Variants in TM9SF3 observed in about 807,000 individuals in gnomAD.
TM9SF3 encodes the protein SM-11044-binding protein.
A neutral mutation model predicts 78.6 loss-of-function variants in TM9SF3; 14 were observed. The ratio of observed to expected loss-of-function variants is 0.18; its 90% CI spans 0.12 to 0.28. The LOEUF (loss-of-function observed/expected upper bound fraction) is 0.28. Ranked by LOEUF, TM9SF3 falls within the 10% of genes least tolerant of loss-of-function variation. The pLI is 1.00. For missense variants in TM9SF3, 496 were observed against 721.9 expected, an observed-to-expected ratio of 0.69 and a Z score of 3.59; for synonymous variants, 231 against 241.7, an observed-to-expected ratio of 0.96 and a Z score of 0.41.
At chr10:96,552,710 G>C (rs1308451063) in intron 6 of TM9SF3, among the ~76,000 whole-genome samples, 1 of 152,116 alleles carries the variant, frequency 6.6e-6, no homozygotes, top group African/African-American at 2.4e-5. Context: ...CACTTCGGGT[G>C]AATGTTCTTA....
At chr10:96,555,968 GAC>G (rs1159528275) in intron 5 of TM9SF3, among the ~76,000 whole-genome samples, 1 of 151,912 alleles carries the variant, frequency 6.6e-6, no homozygotes, top group Non-Finnish European at 1.5e-5. Context: ...ATACTAATTA[GAC>G]ACACATAAAA....
At chr10:96,578,640 T>C (rs977035385) in intron 1 of TM9SF3, among the ~76,000 whole-genome samples, 10 of 152,188 alleles carry the variant, frequency 6.6e-5, no homozygotes, top group African/African-American at 2.4e-4. Context: ...ATGCCCCCAC[T>C]CTTCCATCCA....
At chr10:96,584,986 T>C (rs892993837) in intron 1 of TM9SF3, among the ~76,000 whole-genome samples, 3 of 152,184 alleles carry the variant, frequency 2.0e-5, no homozygotes, top group African/African-American at 4.8e-5. Context: ...TTATATGCAA[T>C]TACTAGAATA....
chr10:96,528,924 A>AT (rs1348804118), intron 11 of TM9SF3, among the ~76,000 whole-genome samples: 1 of 152,186 alleles, frequency 6.6e-6, no homozygotes, highest in Admixed American at 6.5e-5. Context: ...AAGAAATGAC[A>AT]TGACACCTTA....
intron 11 of TM9SF3, among the ~76,000 whole-genome samples, chr10:96,530,195 A>G (rs549654648): frequency 6.6e-6 from 1 of 152,310 alleles, no homozygotes; most frequent in African/African-American, 2.4e-5. Context: ...CTAGTTCCCT[A>G]GATCCTCAGA....
chr10:96,533,038 G>C lies in TM9SF3; in HGVS notation c.1325+13C>G. 6.2e-7 allele frequency: 1 copy of C among 1,613,274 alleles called. No homozygotes were observed. Among genetic ancestry groups the C allele is most frequent in the Non-Finnish European group, 8.5e-7 (1 of 1,179,672 alleles). On this transcript the variant is annotated intron_variant, in intron 10 of 14. Transcript: ENST00000371142. Reference sequence around the variant, plus strand: ...GTGTGAAACAATCGCATAAGATTTAGCATTCTCTTTACCATTTTTTCTCCG... The same window carrying C: ...GTGTGAAACAATCGCATAAGATTTACCATTCTCTTTACCATTTTTTCTCCG...
chr10:96,586,510 G>A (rs1418362512), intron 1 of TM9SF3, among the ~76,000 whole-genome samples: 5 of 152,118 alleles, frequency 3.3e-5, no homozygotes, highest in Admixed American at 1.3e-4. Flanking sequence ...CAGACCGGGG[G>A]AAGGAGACCC....
chr10:96,543,683 G>A (rs1415763999), intron 9 of TM9SF3: 1 of 152,882 alleles, frequency 6.5e-6, no homozygotes, highest in Non-Finnish European at 1.5e-5. Flanking sequence ...ACAAAAAAAT[G>A]TGTCATGGAA....
At chr10:96,581,718 C>G (rs1848571741) in intron 1 of TM9SF3, among the ~76,000 whole-genome samples, 1 of 152,256 alleles carries the variant, frequency 6.6e-6, no homozygotes, top group East Asian at 1.9e-4. Flanking sequence ...TCCTATACTC[C>G]CAACAGAGAC....
chr10:96,582,005 G>A (rs1848575046), intron 1 of TM9SF3, among the ~76,000 whole-genome samples: 1 of 152,046 alleles, frequency 6.6e-6, no homozygotes, highest in African/African-American at 2.4e-5. Context: ...CTTCCACACT[G>A]CATATCCTTG....
intron 2 of TM9SF3, among the ~76,000 whole-genome samples, chr10:96,569,572 T>G (rs1009741650): frequency 5.9e-5 from 9 of 152,218 alleles, no homozygotes; most frequent in African/African-American, 2.2e-4. Flanking sequence ...TGGCAACATG[T>G]GTCAACAACT....
At chr10:96,527,120 A>ATTGGAAATT (rs1847847166) in intron 14 of TM9SF3, 93 bp downstream of exon 14, 1 of 1,085,338 alleles carries the variant, frequency 9.2e-7, no homozygotes, top group African/African-American at 1.6e-5. Flanking sequence ...TGATCAAACA[A>ATTGGAAATT]CAGATAAAAT....
At chr10:96,526,056 C>T (rs1437127510) in intron 14 of TM9SF3, among the ~76,000 whole-genome samples, 1 of 152,096 alleles carries the variant, frequency 6.6e-6, no homozygotes, top group Non-Finnish European at 1.5e-5. Flanking sequence ...CTACCAGCCA[C>T]GTGATGTTTA....
chr10:96,525,676 G>A (rs1188707240), intron 14 of TM9SF3, among the ~76,000 whole-genome samples: 1 of 151,922 alleles, frequency 6.6e-6, no homozygotes, highest in Non-Finnish European at 1.5e-5. Context: ...GAAAAAGGAG[G>A]AAAATTATCC....
At chr10:96,540,627 TTTTA>T (rs920036172) in intron 9 of TM9SF3, among the ~76,000 whole-genome samples, 3 of 151,978 alleles carry the variant, frequency 2.0e-5, no homozygotes, top group Admixed American at 6.5e-5. Flanking sequence ...CTTTTTTTTT[TTTTA>T]CTTTGTTACA....
chr10:96,523,479 C>A (rs1270020540), intron 14 of TM9SF3, among the ~76,000 whole-genome samples: 1 of 151,800 alleles, frequency 6.6e-6, no homozygotes, highest in Non-Finnish European at 1.5e-5. Context: ...AGTATTCCAG[C>A]TAACAAATAT....
At chr10:96,568,845 C>T (rs1170171485) in intron 2 of TM9SF3, among the ~76,000 whole-genome samples, 2 of 151,900 alleles carry the variant, frequency 1.3e-5, no homozygotes, top group Admixed American at 1.3e-4. Context: ...CCTCTCAGTT[C>T]CCTTAACAGA....
At chr10:96,541,620 G>C (rs1014778719) in intron 9 of TM9SF3, among the ~76,000 whole-genome samples, 1 of 152,154 alleles carries the variant, frequency 6.6e-6, no homozygotes, top group Middle Eastern at 3.2e-3. Context: ...CTGACCTCAA[G>C]TGATCCGCCC....
intron 8 of TM9SF3, among the ~76,000 whole-genome samples, chr10:96,545,802 T>A (rs1445853283): frequency 6.6e-6 from 1 of 152,284 alleles, no homozygotes; most frequent in South Asian, 2.1e-4. Context: ...GGTAGGAGAA[T>A]CGCTTGAACC....
Sources: gnomAD v4.1 joint callset for allele counts (sites outside exome capture counted in the v4.1 genomes callset) on GRCh38, gnomAD v4.1.1 for gene constraint, MANE v1.5 for transcripts, NCBI Gene and HGNC (gene_info 2026-07-23, HGNC 2026-07-21) for gene names.